TRIO: variants seen among roughly 807,000 people sequenced by gnomAD.
The protein encoded by TRIO is triple functional domain protein.
Under a neutral mutation model 351.9 loss-of-function variants are expected in TRIO, and 58 were observed. The ratio of observed to expected loss-of-function variants is 0.16; its 90% CI spans 0.13 to 0.21. The LOEUF (loss-of-function observed/expected upper bound fraction) is 0.21. Ranked by LOEUF, TRIO falls within the 10% of genes least tolerant of loss-of-function variation. The pLI is 1.00. For missense variants in TRIO, 3,201 were observed against 4,027.8 expected (o/e 0.79, Z 5.56); for synonymous variants, 1,758 against 1,595.7 (o/e 1.10, Z -2.42).
chr5:14,432,461 C>T (rs1751240417), intron 34 of TRIO, among the ~76,000 whole-genome samples: 1 of 152,252 alleles, frequency 6.6e-6, no homozygotes, highest in Non-Finnish European at 1.5e-5. Flanking sequence ...GTTCGCTGCA[C>T]TCTGGCTTTG....
intron 1 of TRIO, among the ~76,000 whole-genome samples, chr5:14,263,228 A>G (rs899746912): frequency 2.6e-5 from 4 of 152,162 alleles, no homozygotes; most frequent in African/African-American, 9.7e-5. Flanking sequence ...AAGGTCAACA[A>G]AGGCTCTAGA....
chr5:14,319,106 G>A (rs1028615306), intron 9 of TRIO, among the ~76,000 whole-genome samples: 72 of 152,320 alleles, frequency 4.7e-4, no homozygotes, highest in African/African-American at 1.6e-3. Context: ...ATAATTATGA[G>A]GCCAGTTCTT....
intron 38 of TRIO, among the ~76,000 whole-genome samples, chr5:14,471,812 TATTCTTTGAAC>T (rs1358745930): frequency 6.6e-6 from 1 of 152,148 alleles, no homozygotes; most frequent in Non-Finnish European, 1.5e-5. Context: ...AAAACTTGAA[TATTCTTTGAAC>T]ATACTTTACT....
rs79400070 is a variant in TRIO at position 14,233,481 on chromosome 5, C to A, written c.158-37344C>A. Among the ~76,000 whole-genome samples the A allele has an allele frequency of 4.6e-5, 7 of 151,940 alleles. No homozygotes were observed. In the East Asian group the frequency reaches 1.4e-3, roughly 29 times the overall value. On this transcript the variant is annotated intron_variant, in intron 1 of 56. Coordinates refer to ENST00000344204, the MANE Select transcript of TRIO (RefSeq NM_007118.4). ...TTCCAGCCTGGGTGACAGAATGAGA[C>A]TCTCTGTCAAAAGAAAAAAAAAGGA...
intron 31 of TRIO, among the ~76,000 whole-genome samples, chr5:14,405,300 G>A (rs1283467926): frequency 6.6e-6 from 1 of 152,162 alleles, no homozygotes; most frequent in Non-Finnish European, 1.5e-5. Flanking sequence ...TTTATAAGAC[G>A]GGGCTGCAGG....
At chr5:14,228,119 CTG>C (rs1276275449) in intron 1 of TRIO, among the ~76,000 whole-genome samples, 1 of 152,130 alleles carries the variant, frequency 6.6e-6, no homozygotes, top group Non-Finnish European at 1.5e-5. Context: ...GTAGAGGAAA[CTG>C]TACCTCCATC....
chr5:14,482,475 A>G, intron 45 of TRIO, 107 bp from the exon 46 acceptor site: 1 of 905,290 alleles, frequency 1.1e-6, no homozygotes. Flanking sequence ...TAATAAAAGA[A>G]AAATACATTA....
At position 14,504,457 on chromosome 5, in the gene TRIO, T is replaced by G; in HGVS notation, c.8476T>G (p.Phe2826Val). ...AACCAAGCGAGCAGTGGCCACTAAG[T>G]TTGTGAACAAGAAGTTGATGAAGCG... ...KGTKRAVATKFVNKKLMKRDQ... is the reference protein window; with the variant it reads ...KGTKRAVATKVVNKKLMKRDQ... The change falls in exon 55 of 57, where the codon TTT (phenylalanine) becomes GTT (valine). Residue 2826 changes from phenylalanine (F) to valine (V), a missense_variant. Phe to Val is a conservative substitution (Grantham distance 50). Coordinates refer to ENST00000344204, the MANE Select transcript of TRIO (RefSeq NM_007118.4). 1 of 1,614,130 alleles carries G rather than the reference T, an allele frequency of 6.2e-7. No individual in the cohort carries two copies. The highest frequency in any genetic ancestry group is 8.5e-7 in the Non-Finnish European group (1 of 1,180,024).
At chr5:14,471,601 C>T (rs183002978) in intron 38 of TRIO, 135 bp downstream of exon 38, 11 of 1,189,232 alleles carry the variant, frequency 9.2e-6, no homozygotes, top group Middle Eastern at 3.0e-4. Flanking sequence ...AGTAACTGCA[C>T]GTATGTAAAA....
intron 34 of TRIO, among the ~76,000 whole-genome samples, chr5:14,444,413 G>GT (rs1422151190): frequency 6.6e-6 from 1 of 152,128 alleles, no homozygotes. Flanking sequence ...ATCTCAAATC[G>GT]TTTTTTGCCC....
chr5:14,229,044 T>G (rs1459290180), intron 1 of TRIO, among the ~76,000 whole-genome samples: 1 of 152,152 alleles, frequency 6.6e-6, no homozygotes, highest in African/African-American at 2.4e-5. Flanking sequence ...CCTGCTTATC[T>G]CAAACATCCC....
chr5:14,446,186 G>T (rs1752427321), intron 34 of TRIO, among the ~76,000 whole-genome samples: 1 of 146,746 alleles, frequency 6.8e-6, no homozygotes. Flanking sequence ...TGATCACTCC[G>T]AGGCTTGACA....
chr5:14,265,114 G>C (rs1313324035), intron 1 of TRIO, among the ~76,000 whole-genome samples: 2 of 137,978 alleles, frequency 1.4e-5, no homozygotes, highest in Admixed American at 7.5e-5. Context: ...ATCTCTTCCC[G>C]CAGATTATTT....
At chr5:14,498,423 G>A (rs1757043496) in intron 52 of TRIO, 96 bp from the exon 53 acceptor site, 2 of 1,529,926 alleles carry the variant, frequency 1.3e-6, no homozygotes, top group Non-Finnish European at 1.8e-6. Context: ...CAGCACTTGA[G>A]CTCCTGCCTT....
intron 34 of TRIO, among the ~76,000 whole-genome samples, chr5:14,453,484 A>G (rs1411977472): frequency 6.6e-6 from 1 of 152,256 alleles, no homozygotes; most frequent in Non-Finnish European, 1.5e-5. Context: ...ATGTAAATAC[A>G]ATGTAGTGAG....
chr5:14,498,944 C>G, intron 53 of TRIO: 2 of 305,874 alleles, frequency 6.5e-6, no homozygotes. Flanking sequence ...CAGGGCCCCC[C>G]ACGACCAGCT....
rs774524324 is a variant in TRIO, at chr5:14,419,881, G to A, written c.5063G>A (p.Arg1688Gln). 5 of 1,614,160 alleles carry A rather than the reference G, an allele frequency of 3.1e-6. No individual in the cohort carries two copies. The highest frequency in any genetic ancestry group is 4.2e-6 in the Non-Finnish European group (5 of 1,180,008). ...GGCCAGACCGTGGAAGTTCTGGAGCGGCCGCATGACAAGCCTGACTGGTGT... is the reference window on the plus strand; with the variant it reads ...GGCCAGACCGTGGAAGTTCTGGAGCAGCCGCATGACAAGCCTGACTGGTGT... ...RRGQTVEVLE[R>Q]PHDKPDWCLV... Residue 1688 changes from arginine (R) to glutamine (Q), a missense_variant, in exon 34 of 57, where the codon CGG (arginine) becomes CAG (glutamine). Arg to Gln is a conservative substitution (Grantham distance 43). Around this residue, in one of 19 missense-constraint regions of TRIO, gnomAD observed 136 missense variants for 229.5 expected, o/e 0.59. Transcript: ENST00000344204.
chr5:14,345,543 T>A (rs1320021743), intron 11 of TRIO, among the ~76,000 whole-genome samples: 3 of 152,202 alleles, frequency 2.0e-5, no homozygotes, highest in African/African-American at 4.8e-5. Flanking sequence ...AATGCCCAAT[T>A]GGAAATAGGC....
chr5:14,394,444 T>G (rs1321159884), intron 28 of TRIO, among the ~76,000 whole-genome samples: 1 of 152,130 alleles, frequency 6.6e-6, no homozygotes, highest in Non-Finnish European at 1.5e-5. Context: ...ATGGTGCACT[T>G]TGGTACGCTC....
Sources: gnomAD v4.1 joint callset for allele counts (sites outside exome capture counted in the v4.1 genomes callset) on GRCh38, gnomAD v4.1.1 for gene constraint, gnomAD v4.1.1 regional missense constraint, MANE v1.5 for transcripts, NCBI Gene and HGNC (gene_info 2026-07-23, HGNC 2026-07-21) for gene names.